Variants in EPHA6 observed in about 807,000 individuals in gnomAD.
EPHA6 encodes ephrin type-A receptor 6.
A neutral mutation model predicts 112.0 loss-of-function variants in EPHA6; 50 were observed. The observed-to-expected ratio is 0.45, with a 90% CI of 0.36 to 0.56. The LOEUF (loss-of-function observed/expected upper bound fraction) is 0.56, where lower values mean the gene tolerates loss of function less well. Among genes scored for constraint, EPHA6 ranks in the 20% least tolerant of loss-of-function variants. EPHA6 has a pLI of 0.00. For missense variants in EPHA6, 1,280 were observed against 1,417.4 expected (o/e 0.90, Z 1.56); for synonymous variants, 529 against 490.7 (o/e 1.08, Z -1.03).
intron 6 of EPHA6, among the ~76,000 whole-genome samples, chr3:97,411,289 A>G (rs1372734186): frequency 6.6e-6 from 1 of 152,028 alleles, no homozygotes; most frequent in Non-Finnish European, 1.5e-5. Flanking sequence ...TGGAGCAGAG[A>G]TTCTCATGGT....
chr3:97,226,351 C>A lies in EPHA6; in HGVS notation c.1202C>A (p.Thr401Asn), dbSNP rs1325909745. The A allele has an allele frequency of 1.9e-6, 3 of 1,613,620 alleles. No individual in the cohort carries two copies. In the African/African-American group the frequency reaches 4.0e-5, roughly 22 times the overall value. ...CACAGTTTAACATACATGGAAGCAA[C>A]TTCTGTCTGTCAGTGTGAAAAGGGT... ...PPHSLTYMEA[T>N]SVCQCEKGYF... Residue 401 changes from threonine to asparagine, a missense_variant, in exon 4 of 18, where the codon ACT becomes AAT. Physicochemically the swap from Thr to Asn is moderately conservative, Grantham distance 65. Coordinates refer to ENST00000389672, the MANE Select transcript of EPHA6 (RefSeq NM_001080448.3).
intron 1 of EPHA6, among the ~76,000 whole-genome samples, chr3:96,847,490 A>T (rs942265018): frequency 3.3e-5 from 5 of 152,086 alleles, no homozygotes; most frequent in African/African-American, 1.2e-4. Context: ...GCTGTTGTCA[A>T]AATAAAGTAA....
At chr3:97,079,750 C>A (rs2046660524) in intron 3 of EPHA6, among the ~76,000 whole-genome samples, 1 of 151,934 alleles carries the variant, frequency 6.6e-6, no homozygotes, top group Non-Finnish European at 1.5e-5. Context: ...ATTGATGCAG[C>A]AAACTTTATT....
At chr3:97,675,923 C>A (rs2031333915) in intron 14 of EPHA6, among the ~76,000 whole-genome samples, 1 of 152,128 alleles carries the variant, frequency 6.6e-6, no homozygotes, top group African/African-American at 2.4e-5. Context: ...CAGCTAACAG[C>A]ATTCCTATTG....
chr3:97,401,114 G>C (rs368080914), intron 5 of EPHA6, among the ~76,000 whole-genome samples: 1 of 151,738 alleles, frequency 6.6e-6, no homozygotes, highest in Non-Finnish European at 1.5e-5. Context: ...TTTGTAGAAA[G>C]TCTATATAAT....
intron 14 of EPHA6, among the ~76,000 whole-genome samples, chr3:97,709,786 C>T (rs1192870476): frequency 6.6e-6 from 1 of 152,180 alleles, no homozygotes; most frequent in Non-Finnish European, 1.5e-5. Context: ...AGTGAGTTCT[C>T]ATGAAATATG....
At position 97,752,611 on chromosome 3, in the gene EPHA6, G is replaced by A. The variant is rs2035929050; in HGVS notation, c.*3910G>A. 6.6e-6 allele frequency among the ~76,000 whole-genome samples: 1 copy of A among 151,936 alleles called. No homozygotes were observed. Among genetic ancestry groups the A allele is most frequent in the African/African-American group, 2.4e-5 (1 of 41,396 alleles). Reference sequence around the variant, plus strand: ...TTTTTAGAAGAGGCTTGGGGCAGGGGGATGTTGCAAAAGCTATAATATTTT... The same window carrying A: ...TTTTTAGAAGAGGCTTGGGGCAGGGAGATGTTGCAAAAGCTATAATATTTT... On this transcript the variant is annotated 3_prime_UTR_variant, in exon 18 of 18. Transcript: ENST00000389672.
At chr3:96,934,394 T>G (rs2040480284) in intron 2 of EPHA6, among the ~76,000 whole-genome samples, 1 of 151,810 alleles carries the variant, frequency 6.6e-6, no homozygotes, top group African/African-American at 2.4e-5. Flanking sequence ...TTTCTAATTT[T>G]AGTTGTAAAT....
Position 97,390,461 on chromosome 3 carries a change from T to TTA in EPHA6, c.1607-14680_1607-14679dup, listed in dbSNP as rs541268334. On this transcript the variant is annotated intron_variant, in intron 5 of 17. Transcript: ENST00000389672. ...CCAGAAGGAATTTCATATATATATA[T>TTA]TATATATATACGCTGTGTGTATATA... Among the ~76,000 whole-genome samples, 683 of 151,452 alleles carry TTA rather than the reference T, an allele frequency of 4.5e-3. 2 individuals carry two copies. The highest frequency in any genetic ancestry group is 6.2e-3 in the Non-Finnish European group (418 of 67,844).
chr3:97,710,510 AGCTCT>A (rs1426452318), intron 14 of EPHA6, among the ~76,000 whole-genome samples: 1 of 152,224 alleles, frequency 6.6e-6, no homozygotes, highest in Non-Finnish European at 1.5e-5. Context: ...GAAGCAACTG[AGCTCT>A]GCACTAACAC....
chr3:97,085,230 A>C (rs748325114), intron 3 of EPHA6, among the ~76,000 whole-genome samples: 1 of 152,282 alleles, frequency 6.6e-6, no homozygotes, highest in East Asian at 1.9e-4. Flanking sequence ...CAGTCATAAT[A>C]CAAAACTTAA....
At chr3:97,581,148 G>A (rs2093433964) in intron 11 of EPHA6, among the ~76,000 whole-genome samples, 1 of 152,172 alleles carries the variant, frequency 6.6e-6, no homozygotes, top group African/African-American at 2.4e-5. Context: ...AGGCACATAT[G>A]CAACCCTGGG....
chr3:97,248,739 A>G (rs2079051085), intron 5 of EPHA6, among the ~76,000 whole-genome samples: 1 of 152,114 alleles, frequency 6.6e-6, no homozygotes, highest in African/African-American at 2.4e-5. Flanking sequence ...TACCTACTGT[A>G]GCAGGAATAA....
intron 13 of EPHA6, among the ~76,000 whole-genome samples, chr3:97,626,203 T>C (rs2093855275): frequency 6.6e-6 from 1 of 151,824 alleles, no homozygotes. Context: ...AATGTAAGTA[T>C]CCAGGAGAGA....
intron 11 of EPHA6, among the ~76,000 whole-genome samples, chr3:97,570,846 T>C (rs943122208): frequency 6.6e-6 from 1 of 151,880 alleles, no homozygotes; most frequent in East Asian, 1.9e-4. Context: ...CTGAAGCAGG[T>C]GGTGTGCAGA....
intron 5 of EPHA6, among the ~76,000 whole-genome samples, chr3:97,341,296 G>C (rs944137613): frequency 1.3e-5 from 2 of 152,096 alleles, no homozygotes; most frequent in East Asian, 3.9e-4. Flanking sequence ...AAGCAAATTA[G>C]AAGAGCTGAC....
chr3:96,930,014 T>C (rs1051862278), intron 2 of EPHA6, among the ~76,000 whole-genome samples: 2 of 152,244 alleles, frequency 1.3e-5, no homozygotes, highest in Non-Finnish European at 2.9e-5. Context: ...ATTCTGCTTT[T>C]AATACTTGTG....
At chr3:96,862,333 AACTTT>A (rs2036056297) in intron 1 of EPHA6, among the ~76,000 whole-genome samples, 2 of 151,908 alleles carry the variant, frequency 1.3e-5, no homozygotes, top group African/African-American at 4.8e-5. Flanking sequence ...GTGACTTAGT[AACTTT>A]ACTTAGTAAC....
At chr3:97,110,410 T>G (rs948658543) in intron 3 of EPHA6, among the ~76,000 whole-genome samples, 6 of 152,158 alleles carry the variant, frequency 3.9e-5, no homozygotes, top group African/African-American at 1.4e-4. Flanking sequence ...AAACTATTTT[T>G]CTTGCCAAAT....
Sources: gnomAD v4.1 joint callset for allele counts (sites outside exome capture counted in the v4.1 genomes callset) on GRCh38, gnomAD v4.1.1 for gene constraint, MANE v1.5 for transcripts, NCBI Gene and HGNC (gene_info 2026-07-23, HGNC 2026-07-21) for gene names.